The following FRAS1 variants were observed in gnomAD, a reference collection of about 807,000 sequenced individuals.
FRAS1 encodes the protein Fraser extracellular matrix complex subunit 1.
In FRAS1, 290 loss-of-function variants were observed where a neutral mutation model predicts 435.2. That is an observed-to-expected ratio of 0.67 (90% CI 0.61 to 0.73). The LOEUF (loss-of-function observed/expected upper bound fraction) is 0.73. Among genes scored for constraint, FRAS1 ranks in the 30% least tolerant of loss-of-function variants. The pLI is 0.00. For missense variants in FRAS1, 4,860 were observed against 5,001.5 expected, an observed-to-expected ratio of 0.97 and a Z score of 0.85; for synonymous variants, 1,800 against 1,851.0, an observed-to-expected ratio of 0.97 and a Z score of 0.71.
chr4:78,378,130 A>G (rs752748425), intron 26 of FRAS1, among the ~76,000 whole-genome samples: 5 of 152,086 alleles, frequency 3.3e-5, no homozygotes, highest in African/African-American at 7.2e-5. Context: ...GTCTCTAGGT[A>G]TTTGCCTATT....
chr4:78,355,976 C>A (rs395192), intron 20 of FRAS1, among the ~76,000 whole-genome samples: 10,096 of 152,148 alleles, frequency 0.066, 624 homozygotes, highest in African/African-American at 0.17. Flanking sequence ...AGTTGCCTCC[C>A]AATCAGATTA....
At chr4:78,224,056 G>T (rs1724166920) in intron 2 of FRAS1, among the ~76,000 whole-genome samples, 1 of 152,118 alleles carries the variant, frequency 6.6e-6, no homozygotes, top group Non-Finnish European at 1.5e-5. Flanking sequence ...AAGATATTGA[G>T]AGTCAGGCTG....
At chr4:78,164,390 G>T (rs1721258034) in intron 2 of FRAS1, among the ~76,000 whole-genome samples, 1 of 151,558 alleles carries the variant, frequency 6.6e-6, no homozygotes, top group Admixed American at 6.6e-5. Context: ...TATAAGGAAT[G>T]GAAACCACAT....
At chr4:78,090,535 T>G (rs897900373) in intron 2 of FRAS1, among the ~76,000 whole-genome samples, 11 of 152,142 alleles carry the variant, frequency 7.2e-5, no homozygotes, top group African/African-American at 2.4e-4. Flanking sequence ...GCTTTGTAGG[T>G]CAAAGAGGCC....
intron 61 of FRAS1, among the ~76,000 whole-genome samples, chr4:78,500,156 T>G (rs1720632547): frequency 6.6e-6 from 1 of 152,188 alleles, no homozygotes; most frequent in Non-Finnish European, 1.5e-5. Context: ...TTGGTTCATT[T>G]AAAAGAATTT....
intron 2 of FRAS1, chr4:78,071,979 A>G (rs1740375085): frequency 6.6e-6 from 1 of 151,830 alleles, no homozygotes; most frequent in Non-Finnish European, 1.5e-5. Flanking sequence ...TTTGAAGTCA[A>G]CACAGTTACA....
chr4:78,317,186 T>C (rs1407800667), intron 16 of FRAS1, among the ~76,000 whole-genome samples, 182 bp from the exon 17 acceptor site: 4 of 152,218 alleles, frequency 2.6e-5, no homozygotes, highest in Non-Finnish European at 5.9e-5. Flanking sequence ...CATGGCTAAA[T>C]GGTGGGTAAA....
At chr4:78,430,508 G>A (rs2110387237) in intron 37 of FRAS1, 91 bp downstream of exon 37, 3 of 1,337,476 alleles carry the variant, frequency 2.2e-6, no homozygotes, top group East Asian at 4.9e-5. Flanking sequence ...CGAGAGCAAA[G>A]CGTCTTTGTG....
chr4:78,440,475 A>G (rs1186441369), intron 40 of FRAS1, among the ~76,000 whole-genome samples: 1 of 152,194 alleles, frequency 6.6e-6, no homozygotes, highest in Non-Finnish European at 1.5e-5. Context: ...TCCTACAGTT[A>G]GCCAAGAGTT....
intron 2 of FRAS1, among the ~76,000 whole-genome samples, chr4:78,234,554 G>A (rs887647347): frequency 6.6e-6 from 1 of 152,118 alleles, no homozygotes; most frequent in African/African-American, 2.4e-5. Flanking sequence ...ATTGCTCTTT[G>A]GGTTAGGAGT....
At chr4:78,184,584 C>T (rs1323212709) in intron 2 of FRAS1, among the ~76,000 whole-genome samples, 1 of 152,138 alleles carries the variant, frequency 6.6e-6, no homozygotes, top group Non-Finnish European at 1.5e-5. Context: ...TCTGACTAGT[C>T]CACATCTATA....
intron 2 of FRAS1, among the ~76,000 whole-genome samples, chr4:78,169,061 A>G (rs1461471666): frequency 6.6e-6 from 1 of 152,058 alleles, no homozygotes; most frequent in African/African-American, 2.4e-5. Flanking sequence ...AGAGGGTTTT[A>G]AGACTCCAAC....
chr4:78,076,724 C>T (rs1740657436), intron 2 of FRAS1, among the ~76,000 whole-genome samples: 1 of 152,140 alleles, frequency 6.6e-6, no homozygotes, highest in East Asian at 1.9e-4. Context: ...TCTTCATAGC[C>T]TGAGGACCTC....
At chr4:78,347,093 T>C (rs959631529) in intron 20 of FRAS1, among the ~76,000 whole-genome samples, 2 of 152,160 alleles carry the variant, frequency 1.3e-5, no homozygotes, top group African/African-American at 4.8e-5. Context: ...AGAAAACCCT[T>C]CATCTTCATC....
At position 78,346,475 on chromosome 4, in the gene FRAS1, C is replaced by T. The variant is rs558102677; in HGVS notation, c.2422+8658C>T. 7.8e-4 allele frequency among the ~76,000 whole-genome samples: 119 copies of T among 152,274 alleles called. 1 individual carries two copies. The highest frequency in any genetic ancestry group is 2.6e-3 in the African/African-American group (107 of 41,544). ...GGAGCTGGGCTCTGAATCCAAGGAG[C>T]GCACTTCAGAGGGCACATATATGAT... On this transcript the variant is annotated intron_variant, in intron 20 of 73. Coordinates refer to ENST00000512123, the MANE Select transcript of FRAS1 (RefSeq NM_025074.7).
chr4:78,471,664 C>T (rs1719713432), intron 51 of FRAS1, among the ~76,000 whole-genome samples: 2 of 152,174 alleles, frequency 1.3e-5, no homozygotes, highest in South Asian at 4.1e-4. Context: ...CTAAATACTT[C>T]AATGAATGAA....
chr4:78,182,892 A>T, intron 2 of FRAS1, among the ~76,000 whole-genome samples: 1 of 85,884 alleles, frequency 1.2e-5, no homozygotes, highest in East Asian at 2.1e-4. Context: ...AAAAAAGAAA[A>T]AAAGAAAAAA....
chr4:78,395,456 G>T (rs1475350878), intron 29 of FRAS1, among the ~76,000 whole-genome samples: 1 of 151,816 alleles, frequency 6.6e-6, no homozygotes, highest in Non-Finnish European at 1.5e-5. Flanking sequence ...TAAAAGTGGG[G>T]TATTGAAGTC....
At chr4:78,126,318 T>G (rs1363650274) in intron 2 of FRAS1, among the ~76,000 whole-genome samples, 11 of 152,144 alleles carry the variant, frequency 7.2e-5, no homozygotes, top group Admixed American at 7.2e-4. Flanking sequence ...TGGCTTCCCT[T>G]GGCTAGGAAA....
Sources: allele counts gnomAD v4.1 joint callset (sites outside exome capture counted in the v4.1 genomes callset), GRCh38; gene constraint gnomAD v4.1.1; transcripts MANE v1.5; gene names NCBI Gene and HGNC (gene_info 2026-07-23, HGNC 2026-07-21).